Variants in SYTL3 observed in about 807,000 individuals in gnomAD.
SYTL3 encodes synaptotagmin like 3, also known as synaptotagmin-like protein 3.
A neutral mutation model predicts 82.1 loss-of-function variants in SYTL3; 88 were observed. The observed-to-expected ratio is 1.07, with a 90% CI of 0.90 to 1.28. SYTL3 has a LOEUF of 1.28. Ranked by LOEUF, SYTL3 falls within the 50% of genes most tolerant of loss-of-function variation. SYTL3 has a pLI of 0.00. For missense variants in SYTL3, 831 were observed against 757.6 expected (o/e 1.10, Z -1.14); for synonymous variants, 311 against 289.4 (o/e 1.07, Z -0.76).
At chr6:158,693,457 G>T (rs1373116367) in intron 6 of SYTL3, among the ~76,000 whole-genome samples, 1 of 152,104 alleles carries the variant, frequency 6.6e-6, no homozygotes, top group Non-Finnish European at 1.5e-5. Context: ...GTGCGATCTT[G>T]GCTCACTGCA....
At chr6:158,713,153 C>T (rs1562410807) in intron 8 of SYTL3, among the ~76,000 whole-genome samples, 1 of 151,946 alleles carries the variant, frequency 6.6e-6, no homozygotes, top group Non-Finnish European at 1.5e-5. Context: ...CGTTCCAGTA[C>T]CTACGTGCTC....
In SYTL3 at chr6:158,760,691, C is replaced by G; in HGVS notation, c.1360C>G (p.Arg454Gly). ...VPQSNGELTV[R>G]AKLVLPSRPR... ...TCAGAGTAATGGAGAGCTCACAGTC[C>G]GGGCTAAGCTGGTTCTCCCTTCACG... The change falls in exon 15 of 18, where the codon CGG becomes GGG. Residue 454 changes from arginine (R) to glycine (G), a missense_variant. Coordinates refer to ENST00000611299, the MANE Select transcript of SYTL3 (RefSeq NM_001242394.2). 8 of 1,614,082 alleles carry G rather than the reference C, an allele frequency of 5.0e-6. No individual in the cohort carries two copies. Among genetic ancestry groups the G allele is most frequent in the Non-Finnish European group, 6.8e-6 (8 of 1,180,000 alleles).
At chr6:158,734,180 A>G (rs966452088) in intron 11 of SYTL3, among the ~76,000 whole-genome samples, 4 of 151,628 alleles carry the variant, frequency 2.6e-5, no homozygotes, top group Admixed American at 6.6e-5. Flanking sequence ...TCTAAATGCT[A>G]TAGTACCAAA....
intron 2 of SYTL3, among the ~76,000 whole-genome samples, chr6:158,655,177 A>G (rs1183906228): frequency 6.6e-6 from 1 of 152,220 alleles, no homozygotes; most frequent in East Asian, 1.9e-4. Context: ...ATACAATTTC[A>G]AAGATTCCTG....
chr6:158,729,934 C>A (rs991484109), intron 11 of SYTL3, among the ~76,000 whole-genome samples: 2 of 151,732 alleles, frequency 1.3e-5, no homozygotes, highest in African/African-American at 4.8e-5. Context: ...ATAATAATTT[C>A]TTTTAAAGAC....
chr6:158,755,818 C>T (rs1292378963), intron 13 of SYTL3, among the ~76,000 whole-genome samples: 1 of 152,172 alleles, frequency 6.6e-6, no homozygotes, highest in Admixed American at 6.5e-5. Context: ...AAACAAGCGC[C>T]GGAGTGGGGG....
chr6:158,761,519 A>G (rs923934551), intron 15 of SYTL3, among the ~76,000 whole-genome samples: 1 of 151,940 alleles, frequency 6.6e-6, no homozygotes, highest in Non-Finnish European at 1.5e-5. Flanking sequence ...CATGTTAGCC[A>G]GGATGGTCTC....
chr6:158,730,411 T>C (rs1473298113), intron 11 of SYTL3, among the ~76,000 whole-genome samples: 1 of 152,266 alleles, frequency 6.6e-6, no homozygotes, highest in African/African-American at 2.4e-5. Flanking sequence ...GTCTAAATGC[T>C]AATTTTTCCT....
chr6:158,745,696 G>A, intron 12 of SYTL3, 38 bp downstream of exon 12: 1 of 1,448,106 alleles, frequency 6.9e-7, no homozygotes, highest in South Asian at 1.4e-5. Flanking sequence ...GAGACATATT[G>A]ATTCCAAAAT....
chr6:158,738,187 C>G (rs1485152274), intron 11 of SYTL3, among the ~76,000 whole-genome samples: 4 of 152,154 alleles, frequency 2.6e-5, no homozygotes, highest in Admixed American at 2.6e-4. Flanking sequence ...CTGTTGTGTT[C>G]CCAGGTCCAC....
At chr6:158,673,809 C>T (rs932698773) in intron 5 of SYTL3, among the ~76,000 whole-genome samples, 20 of 149,786 alleles carry the variant, frequency 1.3e-4, no homozygotes, top group South Asian at 2.2e-4. Flanking sequence ...TCGGGCCGGG[C>T]GTGGTGGCTC....
chr6:158,719,533 C>T (rs567676857), intron 10 of SYTL3, among the ~76,000 whole-genome samples: 1 of 152,240 alleles, frequency 6.6e-6, no homozygotes, highest in African/African-American at 2.4e-5. Context: ...ACTTCAGGAG[C>T]GAGGTGTCTA....
At chr6:158,684,877 A>G (rs1391588021) in intron 6 of SYTL3, among the ~76,000 whole-genome samples, 1 of 151,168 alleles carries the variant, frequency 6.6e-6, no homozygotes, top group Non-Finnish European at 1.5e-5. Flanking sequence ...AACTAATACT[A>G]AGGGTCATGT....
At chr6:158,689,254 G>T (rs1299104505) in intron 6 of SYTL3, among the ~76,000 whole-genome samples, 2 of 151,548 alleles carry the variant, frequency 1.3e-5, no homozygotes, top group Non-Finnish European at 2.9e-5. Flanking sequence ...TAGAAAGGGT[G>T]TGGAATTATC....
chr6:158,757,872 C>A (rs1048574337), intron 14 of SYTL3, among the ~76,000 whole-genome samples: 2 of 152,184 alleles, frequency 1.3e-5, no homozygotes, highest in African/African-American at 4.8e-5. Flanking sequence ...CAGAGGCCGC[C>A]CTGGCTAGGA....
intron 11 of SYTL3, among the ~76,000 whole-genome samples, chr6:158,738,987 A>C (rs1450109115): frequency 6.6e-6 from 1 of 152,180 alleles, no homozygotes; most frequent in Non-Finnish European, 1.5e-5. Context: ...AGTTGTCTGC[A>C]CTTGGCATTC....
chr6:158,731,219 G>C (rs1322989268), intron 11 of SYTL3, among the ~76,000 whole-genome samples: 1 of 150,310 alleles, frequency 6.7e-6, no homozygotes, highest in Non-Finnish European at 1.5e-5. Flanking sequence ...GGGAGGCGGA[G>C]GTTGCAGTGA....
At chr6:158,648,119 C>T (rs1787603404), upstream of SYTL3, among the ~76,000 whole-genome samples, 1 of 152,058 alleles carries the variant, frequency 6.6e-6, no homozygotes. Flanking sequence ...CATGGAGAAA[C>T]CCTATCTCTA....
Position 158,665,505 on chromosome 6 carries a change from T to C in SYTL3, c.221T>C (p.Leu74Pro). 1 of 1,599,328 alleles carries C rather than the reference T, an allele frequency of 6.3e-7. No homozygotes were observed. Among genetic ancestry groups the C allele is most frequent in the South Asian group, 1.1e-5 (1 of 88,506 alleles). Residue 74 changes from leucine to proline, a missense_variant, in exon 5 of 18, where the codon CTG (leucine) becomes CCG (proline). Coordinates refer to ENST00000611299, the MANE Select transcript of SYTL3 (RefSeq NM_001242394.2). Reference sequence around the variant, plus strand: ...TGCCAGCAGGTGCTGGGGTTCCTGCTGCACCGGGGCGCCGTGTGCCGGGGC... The same window carrying C: ...TGCCAGCAGGTGCTGGGGTTCCTGCCGCACCGGGGCGCCGTGTGCCGGGGC... The part of the protein sequence containing the change: ...ARCQQVLGFL[L>P]HRGAVCRGCS...
Sources: gnomAD v4.1 joint callset for allele counts (sites outside exome capture counted in the v4.1 genomes callset) on GRCh38, gnomAD v4.1.1 for gene constraint, MANE v1.5 for transcripts, NCBI Gene and HGNC (gene_info 2026-07-23, HGNC 2026-07-21) for gene names.